The following PCGF3 variants were observed in gnomAD, a reference collection of about 807,000 sequenced individuals.
PCGF3 encodes the protein polycomb group ring finger 3.
In PCGF3, 7 loss-of-function variants were observed where a neutral mutation model predicts 33.1. The observed-to-expected ratio is 0.21, with a 90% CI of 0.12 to 0.40. The LOEUF (loss-of-function observed/expected upper bound fraction) is 0.40. Among genes scored for constraint, PCGF3 ranks in the 10% least tolerant of loss-of-function variants. The pLI is 1.00. For synonymous variants in PCGF3, 153 were observed against 121.3 expected, an observed-to-expected ratio of 1.26 and a Z score of -1.72; for missense variants, 211 against 313.3, an observed-to-expected ratio of 0.67 and a Z score of 2.46.
intron 1 of PCGF3, among the ~76,000 whole-genome samples, chr4:719,605 G>T (rs557375083): frequency 6.6e-5 from 10 of 152,270 alleles, no homozygotes; most frequent in Non-Finnish European, 1.3e-4. Context: ...GGAGCGAGGC[G>T]TTTACGCCAT....
intron 8 of PCGF3, among the ~76,000 whole-genome samples, chr4:751,221 C>T (rs1255367562): frequency 6.6e-6 from 1 of 152,142 alleles, no homozygotes. Context: ...TGATGAGTTC[C>T]TGATCTCCGT....
intron 10 of PCGF3, 21 bp from the exon 11 acceptor site, chr4:766,011 G>A: frequency 1.9e-6 from 3 of 1,613,136 alleles, no homozygotes; most frequent in Non-Finnish European, 2.5e-6. Flanking sequence ...AGCAGGCACT[G>A]TGCGTTCTTG....
exon 11 of PCGF3, chr4:766,968 G>A (rs1745407921): frequency 6.6e-6 from 1 of 152,352 alleles, no homozygotes; most frequent in African/African-American, 2.4e-5. Flanking sequence ...AGAGGTGGTG[G>A]TGGTTAGGAT....
chr4:765,487 C>T (rs1335827577), intron 10 of PCGF3, among the ~76,000 whole-genome samples: 1 of 151,830 alleles, frequency 6.6e-6, no homozygotes, highest in Non-Finnish European at 1.5e-5. Flanking sequence ...AAACACAGTT[C>T]TGGTCTTTCT....
chr4:738,798 G>A (rs1743956738), intron 6 of PCGF3, among the ~76,000 whole-genome samples: 1 of 152,144 alleles, frequency 6.6e-6, no homozygotes, highest in Admixed American at 6.5e-5. Context: ...GGCAGAGGTT[G>A]CAGTGAGCTG....
chr4:756,853 C>A (rs963179840), intron 8 of PCGF3, among the ~76,000 whole-genome samples: 2 of 152,196 alleles, frequency 1.3e-5, no homozygotes, highest in African/African-American at 4.8e-5. Flanking sequence ...TGATGGAAAC[C>A]ATCTGAGACT....
At chr4:711,056 CCAGG>C (rs1742539787) in intron 1 of PCGF3, among the ~76,000 whole-genome samples, 1 of 152,272 alleles carries the variant, frequency 6.6e-6, no homozygotes, top group African/African-American at 2.4e-5. Flanking sequence ...GCTCCAGGGT[CCAGG>C]CACTACTGTG....
chr4:714,573 A>AG (rs1341478526), intron 1 of PCGF3, among the ~76,000 whole-genome samples: 1 of 152,182 alleles, frequency 6.6e-6, no homozygotes, highest in Non-Finnish European at 1.5e-5. Context: ...CCTGAACCAG[A>AG]GTCAGCCAGG....
chr4:755,376 G>A (rs1320552984), intron 8 of PCGF3, among the ~76,000 whole-genome samples: 2 of 152,122 alleles, frequency 1.3e-5, no homozygotes, highest in Admixed American at 6.5e-5. Context: ...CTGCGTGTGA[G>A]TTGCTTACTT....
chr4:711,450 T>C (rs1391432372), intron 1 of PCGF3, among the ~76,000 whole-genome samples: 1 of 90,378 alleles, frequency 1.1e-5, no homozygotes, highest in Non-Finnish European at 2.8e-5. Context: ...TTTCTTTTTT[T>C]TTTCTTTTTT....
rs1207652348 is a variant in PCGF3 at position 743,570 on chromosome 4, A to T, written c.359A>T (p.Asp120Val). Residue 120 changes from aspartate (D) to valine (V), a missense_variant, in exon 7 of 11, where the codon GAT (aspartate) becomes GTT (valine). Around this residue, in one of 3 missense-constraint regions of PCGF3, gnomAD observed 95 missense variants for 83.0 expected, o/e 1.14. Transcript: ENST00000362003. ...ACCTGCTCTGCAAAACAGCACTTAG[A>T]TTCCCATCGGAATGGTGAGTGCCCT... 1.2e-6 allele frequency: 2 copies of T among 1,604,230 alleles called. No homozygotes were observed. Among genetic ancestry groups the T allele is most frequent in the Non-Finnish European group, 1.7e-6 (2 of 1,171,198 alleles).
intron 1 of PCGF3, among the ~76,000 whole-genome samples, chr4:715,911 C>T (rs1239553209): frequency 1.7e-4 from 18 of 102,886 alleles, no homozygotes; most frequent in African/African-American, 2.4e-4. Context: ...GAGAACTGGG[C>T]GTCGGTGCTG....
At chr4:768,358 T>C (rs1745471949) in exon 11 of PCGF3, 1 of 152,434 alleles carries the variant, frequency 6.6e-6, no homozygotes, top group Admixed American at 6.5e-5. Flanking sequence ...CTGCCGTCTG[T>C]GGAGCCTCTG....
At chr4:737,704 C>G (rs1577418139) in intron 6 of PCGF3, among the ~76,000 whole-genome samples, 183 bp downstream of exon 6, 1 of 152,186 alleles carries the variant, frequency 6.6e-6, no homozygotes, top group East Asian at 1.9e-4. Flanking sequence ...GTCTAAGATG[C>G]GTAGACATCT....
At chr4:723,162 C>G (rs1158072513) in intron 1 of PCGF3, among the ~76,000 whole-genome samples, 2 of 152,162 alleles carry the variant, frequency 1.3e-5, no homozygotes. Flanking sequence ...CGCGCCGGGT[C>G]CACACTCGGT....
In PCGF3 at chr4:765,069, GAC is replaced by G. The variant is rs1295367363; in HGVS notation, c.681+8_681+9del. 6.2e-7 allele frequency: 1 copy of G among 1,601,190 alleles called. No individual in the cohort carries two copies. On this transcript the variant is annotated splice_donor_region_variant and intron_variant, in intron 10 of 10. Coordinates refer to ENST00000362003, the Ensembl canonical transcript of PCGF3. Reference sequence around the variant, plus strand: ...GTCACTAGGTGGAGATTCAAGGTGAGACACGTGATTTGATTTTCAGAGTCTGC... The same window carrying G: ...GTCACTAGGTGGAGATTCAAGGTGAGACGTGATTTGATTTTCAGAGTCTGC...
intron 4 of PCGF3, 175 bp from the exon 5 acceptor site, chr4:734,756 C>T (rs1375053515): frequency 4.3e-6 from 6 of 1,397,362 alleles, no homozygotes; most frequent in South Asian, 3.3e-5. Context: ...TCTCATTGCT[C>T]CTGAGACCAG....
chr4:715,178 G>A (rs1312558212), intron 1 of PCGF3, among the ~76,000 whole-genome samples: 13 of 145,142 alleles, frequency 9.0e-5, no homozygotes, highest in Admixed American at 1.4e-4. Flanking sequence ...TCGGTGCTGG[G>A]ACCCTGTAGA....
rs1210003497 is a variant in PCGF3 at position 707,486 on chromosome 4, C to CT, written c.-190+1516_-190+1517insT. ...GACAGCCCTGTTTTCCCCTGGGGGC[C>CT]GGGACCCTGGGACAGCCTGTTTTCA... is the stretch of plus-strand genomic sequence containing the variant. On this transcript the variant is annotated intron_variant, in intron 1 of 10. Transcript: ENST00000362003. Among the ~76,000 whole-genome samples the CT allele has an allele frequency of 3.1e-3, 451 of 144,318 alleles. 12 individuals carry two copies. Among genetic ancestry groups the CT allele is most frequent in the African/African-American group, 0.011 (426 of 37,084 alleles). 94.7% of individuals were successfully genotyped at this position (144,318 alleles called of 152,430 possible).
Sources: allele counts gnomAD v4.1 joint callset (sites outside exome capture counted in the v4.1 genomes callset), GRCh38; gene constraint gnomAD v4.1.1; regional missense constraint gnomAD v4.1.1; transcripts MANE v1.5; gene names NCBI Gene and HGNC (gene_info 2026-07-23, HGNC 2026-07-21).